Variants in FHIT observed in about 807,000 individuals in gnomAD.
FHIT encodes the protein bis(5'-adenosyl)-triphosphatase.
FHIT carries 19 observed loss-of-function variants against 17.9 expected under a neutral mutation model. The observed-to-expected ratio is 1.06, with a 90% CI of 0.74 to 1.56. The LOEUF (loss-of-function observed/expected upper bound fraction) is 1.56. Among genes scored for constraint, FHIT ranks in the 40% most tolerant of loss-of-function variants. The pLI, the probability that FHIT is intolerant of heterozygous loss-of-function variation, is 0.00. For synonymous variants in FHIT, 81 were observed against 69.7 expected, an observed-to-expected ratio of 1.16 and a Z score of -0.81; for missense variants, 248 against 189.2, an observed-to-expected ratio of 1.31 and a Z score of -1.82.
At chr3:60,592,264 C>CTT (rs1553664619) in intron 4 of FHIT, among the ~76,000 whole-genome samples, 1 of 142,136 alleles carries the variant, frequency 7.0e-6, no homozygotes, top group Non-Finnish European at 1.6e-5. Flanking sequence ...TATATACTCT[C>CTT]TCTCTATATA....
chr3:60,633,103 G>C (rs2039489672), intron 4 of FHIT, among the ~76,000 whole-genome samples: 1 of 152,296 alleles, frequency 6.6e-6, no homozygotes, highest in Non-Finnish European at 1.5e-5. Flanking sequence ...ATTGCCACAA[G>C]CCTAAACAAA....
chr3:60,895,092 T>C (rs1316979833), intron 3 of FHIT, among the ~76,000 whole-genome samples: 1 of 152,210 alleles, frequency 6.6e-6, no homozygotes, highest in Non-Finnish European at 1.5e-5. Flanking sequence ...CTGTCATGTC[T>C]CTTTAGCCTC....
intron 4 of FHIT, among the ~76,000 whole-genome samples, chr3:60,556,333 C>A (rs945213539): frequency 1.3e-5 from 2 of 152,208 alleles, no homozygotes; most frequent in Non-Finnish European, 2.9e-5. Flanking sequence ...TAAGAAGGAG[C>A]TGGTCCCTCT....
At chr3:61,139,930 C>A (rs1028947088) in intron 2 of FHIT, among the ~76,000 whole-genome samples, 1 of 151,500 alleles carries the variant, frequency 6.6e-6, no homozygotes, top group African/African-American at 2.4e-5. Flanking sequence ...AAACTGGCAA[C>A]GTTCACTCAC....
chr3:60,816,347 G>A (rs1701739197), intron 4 of FHIT, among the ~76,000 whole-genome samples: 1 of 151,958 alleles, frequency 6.6e-6, no homozygotes, highest in African/African-American at 2.4e-5. Flanking sequence ...TTCAGTTTTT[G>A]CCCATTCAGT....
chr3:59,887,171 C>T (rs966904556), intron 8 of FHIT, among the ~76,000 whole-genome samples: 1 of 152,194 alleles, frequency 6.6e-6, no homozygotes, highest in Admixed American at 6.5e-5. Flanking sequence ...GCCTAATTCA[C>T]TTTTGACTTT....
intron 5 of FHIT, among the ~76,000 whole-genome samples, chr3:60,470,089 C>G (rs2033013987): frequency 1.1e-5 from 1 of 92,732 alleles, no homozygotes; most frequent in Non-Finnish European, 2.2e-5. Context: ...TCCAGAGCTG[C>G]CTGAAGCTGT....
intron 5 of FHIT, among the ~76,000 whole-genome samples, chr3:60,449,645 G>A (rs1269085767): frequency 6.6e-6 from 1 of 151,984 alleles, no homozygotes; most frequent in Admixed American, 6.6e-5. Context: ...ACTGAATACT[G>A]TAGGTAATTG....
At chr3:61,072,098 C>A (rs1031286293) in intron 2 of FHIT, among the ~76,000 whole-genome samples, 1 of 152,186 alleles carries the variant, frequency 6.6e-6, no homozygotes, top group Non-Finnish European at 1.5e-5. Flanking sequence ...TACTTTCTAG[C>A]TCTATGACCA....
intron 2 of FHIT, among the ~76,000 whole-genome samples, chr3:61,116,233 C>T (rs1296724612): frequency 3.3e-5 from 5 of 151,860 alleles, no homozygotes; most frequent in Admixed American, 1.3e-4. Flanking sequence ...TTTAAAGCCT[C>T]GTCTAGTACT....
chr3:60,587,380 T>G (rs2037941358), intron 4 of FHIT, among the ~76,000 whole-genome samples: 1 of 151,898 alleles, frequency 6.6e-6, no homozygotes, highest in African/African-American at 2.4e-5. Flanking sequence ...AGAGAGAGCA[T>G]TAGGACAAAT....
At chr3:60,815,435 A>G (rs1553737350) in intron 4 of FHIT, among the ~76,000 whole-genome samples, 1 of 152,194 alleles carries the variant, frequency 6.6e-6, no homozygotes, top group Admixed American at 6.5e-5. Flanking sequence ...GTAGGGGTCC[A>G]GTTTCATTCT....
At chr3:60,101,724 G>A (rs1318319579) in intron 5 of FHIT, among the ~76,000 whole-genome samples, 2 of 152,106 alleles carry the variant, frequency 1.3e-5, no homozygotes, top group African/African-American at 4.8e-5. Context: ...CAGTATCTGT[G>A]CAATGAATAA....
At chr3:59,908,564 G>T (rs1254387828) in intron 8 of FHIT, among the ~76,000 whole-genome samples, 1 of 152,076 alleles carries the variant, frequency 6.6e-6, no homozygotes, top group Non-Finnish European at 1.5e-5. Context: ...TGCACACAAG[G>T]ACCAGGCAAA....
At chr3:60,359,015 A>C (rs76243859) in intron 5 of FHIT, among the ~76,000 whole-genome samples, 48 of 152,304 alleles carry the variant, frequency 3.2e-4, no homozygotes, top group African/African-American at 1.1e-3. Context: ...CATAAAACAA[A>C]AGCTCATTAA....
intron 5 of FHIT, among the ~76,000 whole-genome samples, chr3:60,332,632 C>A (rs1244656445): frequency 6.6e-6 from 1 of 152,164 alleles, no homozygotes. Context: ...GATTTTCCCT[C>A]TTAATGCTAT....
chr3:60,735,995 T>C lies in FHIT; in HGVS notation c.-18+85924A>G, dbSNP rs545487682. On this transcript the variant is annotated intron_variant, in intron 4 of 9. Transcript: ENST00000492590. Reference sequence around the variant, plus strand: ...CTCATTTCTAAAATGGAGATTAAAATGGTAGCTCACAAAGAAGAAATACAA... The same window carrying C: ...CTCATTTCTAAAATGGAGATTAAAACGGTAGCTCACAAAGAAGAAATACAA... Among the ~76,000 whole-genome samples the C allele has an allele frequency of 2.2e-4, 34 of 152,264 alleles. No individual in the cohort carries two copies. The South Asian group carries it at 6.0e-3, about 27-fold the overall frequency.
intron 8 of FHIT, among the ~76,000 whole-genome samples, chr3:59,837,929 A>G (rs193055524): frequency 6.6e-6 from 1 of 152,202 alleles, no homozygotes; most frequent in East Asian, 1.9e-4. Context: ...CTTTGTAAAG[A>G]GCCTAGAACA....
intron 8 of FHIT, among the ~76,000 whole-genome samples, chr3:59,885,831 A>C (rs957320528): frequency 3.3e-5 from 5 of 152,208 alleles, no homozygotes; most frequent in African/African-American, 1.2e-4. Flanking sequence ...GGTTTCCCAT[A>C]GTGACTTATA....
Sources: gnomAD v4.1 joint callset for allele counts (sites outside exome capture counted in the v4.1 genomes callset) on GRCh38, gnomAD v4.1.1 for gene constraint, MANE v1.5 for transcripts, NCBI Gene and HGNC (gene_info 2026-07-23, HGNC 2026-07-21) for gene names.